The following ITGB5 variants were observed in gnomAD, a reference collection of about 807,000 sequenced individuals.
ITGB5 encodes the protein integrin subunit beta 5.
In ITGB5, 38 loss-of-function variants were observed where a neutral mutation model predicts 84.8. The ratio of observed to expected loss-of-function variants is 0.45; its 90% CI spans 0.35 to 0.59. The LOEUF is 0.59. Ranked by LOEUF, ITGB5 falls within the 20% of genes least tolerant of loss-of-function variation. The pLI, the probability that ITGB5 is intolerant of heterozygous loss-of-function variation, is 0.01. For missense variants in ITGB5, 905 were observed against 1,034.5 expected (o/e 0.87, Z 1.72); for synonymous variants, 393 against 414.4 (o/e 0.95, Z 0.63).
chr3:124,804,596 C>T (rs1559942275), intron 9 of ITGB5, among the ~76,000 whole-genome samples: 1 of 152,042 alleles, frequency 6.6e-6, no homozygotes, highest in Non-Finnish European at 1.5e-5. Flanking sequence ...TACAGAACTC[C>T]AGGTGTGAGG....
At chr3:124,860,563 G>A (rs2065282274) in intron 2 of ITGB5, among the ~76,000 whole-genome samples, 1 of 152,190 alleles carries the variant, frequency 6.6e-6, no homozygotes, top group Admixed American at 6.5e-5. Flanking sequence ...ACTTTAAAAT[G>A]AAACAATATA....
At chr3:124,822,456 G>A (rs752232323) in intron 5 of ITGB5, among the ~76,000 whole-genome samples, 2 of 152,178 alleles carry the variant, frequency 1.3e-5, no homozygotes, top group Non-Finnish European at 1.5e-5. Context: ...GCTCTCTTAC[G>A]ACAGATGAAG....
chr3:124,833,147 C>T (rs1209045965), intron 5 of ITGB5: 3 of 152,156 alleles, frequency 2.0e-5, no homozygotes, highest in Non-Finnish European at 4.4e-5. Context: ...TGTAGCATTT[C>T]TTTCCTTGGG....
chr3:124,800,065 CCA>C (rs1050011366), intron 9 of ITGB5, among the ~76,000 whole-genome samples: 1 of 152,078 alleles, frequency 6.6e-6, no homozygotes, highest in African/African-American at 2.4e-5. Flanking sequence ...CTTCTGAGGC[CCA>C]GAGAGAAACT....
chr3:124,825,486 C>T (rs1172466049), intron 5 of ITGB5, among the ~76,000 whole-genome samples: 2 of 152,188 alleles, frequency 1.3e-5, no homozygotes, highest in East Asian at 3.8e-4. Context: ...CATAATACAT[C>T]CATACAATTA....
intron 1 of ITGB5, among the ~76,000 whole-genome samples, chr3:124,900,656 G>A (rs2107663789): frequency 6.6e-6 from 1 of 152,178 alleles, no homozygotes; most frequent in South Asian, 2.1e-4. Context: ...CTCCAACCTT[G>A]CTTTTTGCAC....
chr3:124,801,773 C>T (rs1480290600), intron 9 of ITGB5, among the ~76,000 whole-genome samples: 1 of 152,242 alleles, frequency 6.6e-6, no homozygotes, highest in East Asian at 1.9e-4. Context: ...AAACAATGGC[C>T]AGAATGGCCA....
Position 124,859,464 on chromosome 3 carries a change from G to A in ITGB5, c.157-18C>T, listed in dbSNP as rs182459255. 6.2e-7 allele frequency: 1 copy of A among 1,608,854 alleles called. No homozygotes were observed. The highest frequency in any genetic ancestry group is 1.7e-5 in the Admixed American group (1 of 58,770). On this transcript the variant is annotated intron_variant, in intron 2 of 14. Coordinates refer to ENST00000296181, the MANE Select transcript of ITGB5 (RefSeq NM_002213.5). ...CCGAAGTCCTAGGCAGGGAAAAAGA[G>A]GAAGAGAGCAGGAGGTGGTCAGGGT... is the stretch of plus-strand genomic sequence containing the variant.
intron 1 of ITGB5, among the ~76,000 whole-genome samples, chr3:124,880,650 G>A (rs540676226): frequency 5.3e-5 from 8 of 152,170 alleles, no homozygotes; most frequent in South Asian, 4.2e-4. Context: ...AAGAGACACC[G>A]GGCACAGTGG....
chr3:124,852,045 G>A (rs1490814418), intron 3 of ITGB5, among the ~76,000 whole-genome samples: 13 of 152,148 alleles, frequency 8.5e-5, no homozygotes, highest in African/African-American at 2.2e-4. Context: ...AACCATGCAC[G>A]CTTAAGCACT....
At chr3:124,824,030 T>G (rs2064747313) in intron 5 of ITGB5, among the ~76,000 whole-genome samples, 1 of 152,210 alleles carries the variant, frequency 6.6e-6, no homozygotes, top group South Asian at 2.1e-4. Context: ...GTTTATAGAT[T>G]TGACACAATC....
chr3:124,768,801 CT>C (rs1394697481), intron 12 of ITGB5, among the ~76,000 whole-genome samples: 3 of 152,192 alleles, frequency 2.0e-5, no homozygotes, highest in African/African-American at 7.2e-5. Context: ...CTACGTTTGA[CT>C]TTTTAGGAAA....
chr3:124,765,861 AGCC>A (rs923019360), intron 13 of ITGB5, among the ~76,000 whole-genome samples: 5 of 152,160 alleles, frequency 3.3e-5, no homozygotes, highest in Non-Finnish European at 7.3e-5. Flanking sequence ...GTTCGAGACC[AGCC>A]TGGGCAACAT....
intron 5 of ITGB5, among the ~76,000 whole-genome samples, chr3:124,837,959 C>T (rs2064959001): frequency 6.6e-6 from 1 of 152,180 alleles, no homozygotes; most frequent in South Asian, 2.1e-4. Flanking sequence ...TCCCTCTGTT[C>T]CACTGTTTGC....
intron 9 of ITGB5, among the ~76,000 whole-genome samples, chr3:124,802,438 C>A (rs1012889003): frequency 2.6e-5 from 4 of 152,156 alleles, no homozygotes; most frequent in Admixed American, 2.6e-4. Flanking sequence ...CAGACTGGTC[C>A]CAGCTGTAAG....
At position 124,762,913 on chromosome 3, in the gene ITGB5, T is replaced by A. The variant is rs17282078; in HGVS notation, c.*710A>T. The A allele has an allele frequency of 0.097, 14,718 of 152,364 alleles. 903 individuals are homozygous for A. Among genetic ancestry groups the A allele is most frequent in the South Asian group, 0.18 (859 of 4,824 alleles). The allele number at this position is 152,364 out of a possible 1,614,324, so 9.4% of individuals were successfully genotyped here. On this transcript the variant is annotated 3_prime_UTR_variant, in exon 15 of 15. Transcript: ENST00000296181. ...TCAATCCCCACTGGGGGCACCATTT[T>A]AAGTCCGCTCAGAAAGAAAGAAACA...
intron 3 of ITGB5, among the ~76,000 whole-genome samples, chr3:124,856,335 G>T (rs1559971241): frequency 6.6e-6 from 1 of 152,204 alleles, no homozygotes; most frequent in Non-Finnish European, 1.5e-5. Flanking sequence ...TTTGTGTGAT[G>T]CAACTCTTGT....
intron 9 of ITGB5, among the ~76,000 whole-genome samples, chr3:124,805,408 G>A (rs2107531016): frequency 6.6e-6 from 1 of 152,092 alleles, no homozygotes; most frequent in Non-Finnish European, 1.5e-5. Flanking sequence ...CTCCCAAAAT[G>A]CTAGGATTAT....
Position 124,873,496 on chromosome 3 carries a change from A to G in ITGB5, c.106T>C (p.Cys36Arg), listed in dbSNP as rs778307968. The G allele has an allele frequency of 3.7e-6, 6 of 1,613,696 alleles. No individual in the cohort carries two copies. The highest frequency in any genetic ancestry group is 5.1e-6 in the Non-Finnish European group (6 of 1,179,888). Residue 36 changes from cysteine (C) to arginine (R), a missense_variant, in exon 2 of 15, where the codon TGT becomes CGT. Around this residue, in one of 3 missense-constraint regions of ITGB5, gnomAD observed 656 missense variants for 734.7 expected, o/e 0.89. Coordinates refer to ENST00000296181, the MANE Select transcript of ITGB5 (RefSeq NM_002213.5). ...GGGTGGATTAGCAGACATTCTTCAC[A>G]TGAGGTGGCACTTCCACTAGTGCAT... ...NICTSGSATS[C>R]EECLLIHPKC...
Sources: allele counts gnomAD v4.1 joint callset (sites outside exome capture counted in the v4.1 genomes callset), GRCh38; gene constraint gnomAD v4.1.1; regional missense constraint gnomAD v4.1.1; transcripts MANE v1.5; gene names NCBI Gene and HGNC (gene_info 2026-07-23, HGNC 2026-07-21).